EPG5: variants seen among roughly 807,000 people sequenced by gnomAD.
The protein encoded by EPG5 is ectopic P granules protein 5 homolog.
In EPG5, 159 loss-of-function variants were observed where a neutral mutation model predicts 302.7. The observed-to-expected ratio is 0.53, with a 90% CI of 0.46 to 0.60. The LOEUF is 0.60. Among genes scored for constraint, EPG5 ranks in the 20% least tolerant of loss-of-function variants. EPG5 has a pLI of 0.00. For missense variants in EPG5, 2,896 were observed against 3,092.4 expected (o/e 0.94, Z 1.51); for synonymous variants, 1,158 against 1,136.8 (o/e 1.02, Z -0.37).
At chr18:45,893,618 G>A (rs2049402946) in intron 27 of EPG5, among the ~76,000 whole-genome samples, 1 of 151,548 alleles carries the variant, frequency 6.6e-6, no homozygotes, top group Non-Finnish European at 1.5e-5. Flanking sequence ...AGGGACATGA[G>A]AGTGCCCCAA....
intron 31 of EPG5, 132 bp from the exon 32 acceptor site, chr18:45,880,355 T>A (rs2049070898): frequency 1.1e-6 from 1 of 882,346 alleles, no homozygotes; most frequent in Admixed American, 3.3e-5. Context: ...CACAGGGATA[T>A]CTGGGGTGAG....
chr18:45,878,593 T>G, intron 33 of EPG5, 145 bp from the exon 34 acceptor site: 1 of 599,770 alleles, frequency 1.7e-6, no homozygotes, highest in South Asian at 2.2e-5. Context: ...AGTGTAACTA[T>G]GTATGTTTAC....
chr18:45,899,518 C>T lies in EPG5; in HGVS notation c.4695G>A (p.Leu1565=), dbSNP rs1346489567. The change falls in exon 27 of 44, where the codon CTG becomes CTA. Residue 1565 remains leucine, a synonymous_variant. Transcript: ENST00000282041. ...ESQQVALDGE[L]LDTMPKQYVN... is the part of the protein sequence containing the mutation. ...CATACTGCTTTGGCATTGTGTCTAA[C>T]AGCTCACCATCCAGAGCAACCTGCT... The T allele has an allele frequency of 5.0e-6, 8 of 1,614,054 alleles. No homozygotes were observed. Among genetic ancestry groups the T allele is most frequent in the African/African-American group, 4.0e-5 (3 of 74,922 alleles).
chr18:45,837,047 A>G, the EPG5 span: 1 of 1,535,740 alleles, frequency 6.5e-7, no homozygotes, highest in Non-Finnish European at 9.0e-7. Flanking sequence ...GTGAGAACTA[A>G]AATAGATACT....
chr18:45,837,208 G>T, the EPG5 span: 1 of 1,454,624 alleles, frequency 6.9e-7, no homozygotes, highest in Non-Finnish European at 9.1e-7. Context: ...TAAGAATATG[G>T]GGTCAAGGGG....
At position 45,906,670 on chromosome 18, in the gene EPG5, T is replaced by A. The variant is rs1385918913; in HGVS notation, c.4329+1288A>T. Among the ~76,000 whole-genome samples, 4 of 151,124 alleles carry A rather than the reference T, an allele frequency of 2.6e-5. No homozygotes were observed. The East Asian group carries it at 7.7e-4, about 29-fold the overall frequency. ...CACTCTCGTAATTTTTTTTTTTTTTTAAGACAGGGTCTCTCTCTCTGTTGC... is the reference window on the plus strand; with the variant it reads ...CACTCTCGTAATTTTTTTTTTTTTTAAAGACAGGGTCTCTCTCTCTGTTGC... On this transcript the variant is annotated intron_variant, in intron 24 of 43. Coordinates refer to ENST00000282041, the MANE Select transcript of EPG5 (RefSeq NM_020964.3).
chr18:45,866,177 T>G (rs181148867), intron 38 of EPG5, among the ~76,000 whole-genome samples: 2 of 150,456 alleles, frequency 1.3e-5, no homozygotes, highest in Non-Finnish European at 2.9e-5. Context: ...TGGAGTGCAG[T>G]GGTGCGATCT....
At position 45,954,537 on chromosome 18, in the gene EPG5, C is replaced by A; in HGVS notation, c.865G>T (p.Glu289Ter). 2 of 1,614,280 alleles carry A rather than the reference C, an allele frequency of 1.2e-6. No individual in the cohort carries two copies. The highest frequency in any genetic ancestry group is 1.7e-6 in the Non-Finnish European group (2 of 1,180,050). The change falls in exon 2 of 44, where the codon GAA becomes TAA. Residue 289 changes from glutamate to a stop codon, truncating the protein, a stop_gained. Coordinates refer to ENST00000282041, the MANE Select transcript of EPG5 (RefSeq NM_020964.3). LOFTEE classifies it high-confidence loss of function. ...TAGTTCAAAAGCAACTCATAAAATTCATGCCTGTCTTGATGAGCCATGCTG... is the reference window on the plus strand; with the variant it reads ...TAGTTCAAAAGCAACTCATAAAATTAATGCCTGTCTTGATGAGCCATGCTG... The part of the protein sequence containing the change: ...FDSMAHQDRH[E>*]FYELLLNYSR...
At chr18:45,842,005 C>A in the EPG5 span, 2 of 1,101,610 alleles carry the variant, frequency 1.8e-6, no homozygotes, top group Admixed American at 3.5e-5. Flanking sequence ...GCACTGCTCC[C>A]CAGAATGTCT....
In EPG5 at chr18:45,879,658, C is replaced by T. The variant is rs994781333; in HGVS notation, c.5667+417G>A. ...TGCTGGGGTTACAGGCATGAGCCAC[C>T]GCGCCAGGCCATCAGTGGGTTTCAA... On this transcript the variant is annotated intron_variant, in intron 32 of 43. Coordinates refer to ENST00000282041, the MANE Select transcript of EPG5 (RefSeq NM_020964.3). Among the ~76,000 whole-genome samples the T allele has an allele frequency of 9.2e-5, 14 of 152,228 alleles. No individual in the cohort carries two copies. The South Asian group carries it at 1.2e-3, about 14-fold the overall frequency.
At position 45,912,378 on chromosome 18, in the gene EPG5, G is replaced by C. The variant is rs911532531; in HGVS notation, c.3895C>G (p.Leu1299Val). 1.9e-6 allele frequency: 3 copies of C among 1,612,066 alleles called. No homozygotes were observed. Among genetic ancestry groups the C allele is most frequent in the Non-Finnish European group, 2.5e-6 (3 of 1,179,340 alleles). Reference sequence around the variant, plus strand: ...AGGGGGTGATCAGAAGGTGTGACCAGAGCCTGGTGGGCCCAGCGATAAATC... The same window carrying C: ...AGGGGGTGATCAGAAGGTGTGACCACAGCCTGGTGGGCCCAGCGATAAATC... Reference protein sequence around the residue: ...LLIYRWAHQALVTPSDHPLLP... With the variant: ...LLIYRWAHQAVVTPSDHPLLP... Residue 1299 changes from leucine (L) to valine (V), a missense_variant, in exon 22 of 44, where the codon CTG (leucine) becomes GTG (valine). Transcript: ENST00000282041.
the EPG5 span, among the ~76,000 whole-genome samples, chr18:45,815,542 T>C: frequency 1.3e-5 from 2 of 151,868 alleles, no homozygotes. Flanking sequence ...TTCACAATGG[T>C]TGCAAAAAAT....
chr18:45,855,656 A>T lies in EPG5; in HGVS notation c.7474T>A (p.Phe2492Ile), dbSNP rs1374928586. The change falls in exon 43 of 44, where the codon TTC becomes ATC. Residue 2492 changes from phenylalanine to isoleucine, a missense_variant. Transcript: ENST00000282041. ...FRVVARSMAAFLSVQVPMEDQ... is the reference protein window; with the variant it reads ...FRVVARSMAAILSVQVPMEDQ... ...TCCATAGGAACCTGAACTGAAAGGA[A>T]GGCAGCCATGCTTCGGGCAACCACT... 5 of 1,614,196 alleles carry T rather than the reference A, an allele frequency of 3.1e-6. No homozygotes were observed. The highest frequency in any genetic ancestry group is 4.2e-6 in the Non-Finnish European group (5 of 1,180,000).
the EPG5 span, among the ~76,000 whole-genome samples, chr18:45,819,708 C>A: frequency 1.3e-5 from 2 of 152,162 alleles, no homozygotes; most frequent in African/African-American, 4.8e-5. Flanking sequence ...ATGCTTGAAT[C>A]AGCCTCTCAC....
chr18:45,891,227 G>A (rs1185493115), intron 27 of EPG5, among the ~76,000 whole-genome samples: 1 of 151,794 alleles, frequency 6.6e-6, no homozygotes, highest in Non-Finnish European at 1.5e-5. Flanking sequence ...GGCCAGGCAT[G>A]GTGGCTCACA....
Position 45,901,013 on chromosome 18 carries a change from C to G in EPG5, c.4629G>C (p.Leu1543=). The G allele has an allele frequency of 6.2e-7, 1 of 1,613,340 alleles. No homozygotes were observed. The highest frequency in any genetic ancestry group is 8.5e-7 in the Non-Finnish European group (1 of 1,179,456). The change falls in exon 26 of 44, where the codon CTG becomes CTC. Residue 1543 remains leucine, a synonymous_variant. Transcript: ENST00000282041. ...ATQLVCTDLN[L]LQQQARTAAL... The stretch of plus-strand genomic sequence containing the variant: ...GGTCTTACCTGGCCTGCTGTTGCAA[C>G]AGATTCAGGTCTGTGCACACCAGCT...
chr18:45,878,216 T>C (rs770725199), intron 34 of EPG5, among the ~76,000 whole-genome samples, 160 bp downstream of exon 34: 3 of 152,220 alleles, frequency 2.0e-5, no homozygotes, highest in Non-Finnish European at 2.9e-5. Context: ...ATTCCATAAA[T>C]AGAAAATGTC....
At chr18:45,945,293 T>C (rs1322355892) in intron 7 of EPG5, among the ~76,000 whole-genome samples, 1 of 152,232 alleles carries the variant, frequency 6.6e-6, no homozygotes, top group Non-Finnish European at 1.5e-5. Context: ...GGGAGGCTTT[T>C]AACTATTTGG....
chr18:45,912,944 T>C (rs1018772619), intron 21 of EPG5, among the ~76,000 whole-genome samples: 46 of 151,872 alleles, frequency 3.0e-4, no homozygotes, highest in African/African-American at 1.1e-3. Context: ...AAAAATTAGC[T>C]GGGTGTGGTG....
Sources: allele counts gnomAD v4.1 joint callset (sites outside exome capture counted in the v4.1 genomes callset), GRCh38; gene constraint gnomAD v4.1.1; transcripts MANE v1.5; gene names NCBI Gene and HGNC (gene_info 2026-07-23, HGNC 2026-07-21).